KDM4C: variants seen among roughly 807,000 people sequenced by gnomAD.
KDM4C encodes lysine-specific demethylase 4C.
A neutral mutation model predicts 129.3 loss-of-function variants in KDM4C; 81 were observed. The observed-to-expected ratio is 0.63, with a 90% confidence interval of 0.52 to 0.75. KDM4C has a LOEUF of 0.75. KDM4C is among the 30% of genes least tolerant of loss of function. KDM4C has a pLI of 0.00. For synonymous variants in KDM4C, 573 were observed against 456.1 expected, an observed-to-expected ratio of 1.26 and a Z score of -3.26; for missense variants, 1,457 against 1,304.0, an observed-to-expected ratio of 1.12 and a Z score of -1.81.
At chr9:6,748,439 G>A (rs1440528968) in intron 1 of KDM4C, among the ~76,000 whole-genome samples, 2 of 151,642 alleles carry the variant, frequency 1.3e-5, no homozygotes, top group African/African-American at 2.4e-5. Context: ...CCTGGGAGGT[G>A]GAGGTTGCGG....
At chr9:7,109,607 G>T (rs1838089994) in intron 18 of KDM4C, among the ~76,000 whole-genome samples, 1 of 152,194 alleles carries the variant, frequency 6.6e-6, no homozygotes, top group East Asian at 1.9e-4. Flanking sequence ...GCAGCATTCA[G>T]CTAATTTATA....
intron 8 of KDM4C, among the ~76,000 whole-genome samples, chr9:6,954,895 T>C (rs887428067): frequency 6.6e-6 from 1 of 152,360 alleles, no homozygotes; most frequent in Middle Eastern, 3.4e-3. Context: ...AACAGAATAT[T>C]GCAAATTGGG....
At position 7,067,523 on chromosome 9, in the gene KDM4C, G is replaced by T. The variant is rs535701492; in HGVS notation, c.2424+18323G>T. 2.2e-4 allele frequency among the ~76,000 whole-genome samples: 34 copies of T among 152,308 alleles called. 1 individual carries two copies. In the South Asian group the frequency reaches 7.0e-3, roughly 32 times the overall value. On this transcript the variant is annotated intron_variant, in intron 17 of 21. Coordinates refer to ENST00000381309, the MANE Select transcript of KDM4C (RefSeq NM_015061.6). ...GTTATCAGCCTGAGACATACAAGGTGCAGGGCAACTCCAAAGGAGGTAAGG... is the reference window on the plus strand; with the variant it reads ...GTTATCAGCCTGAGACATACAAGGTTCAGGGCAACTCCAAAGGAGGTAAGG...
intron 17 of KDM4C, among the ~76,000 whole-genome samples, chr9:7,087,201 T>G (rs1050954205): frequency 6.0e-5 from 9 of 151,152 alleles, no homozygotes; most frequent in African/African-American, 2.2e-4. Flanking sequence ...TCAGAAAGAG[T>G]TCGCATATAA....
intron 12 of KDM4C, among the ~76,000 whole-genome samples, chr9:7,010,038 G>A: frequency 6.6e-6 from 1 of 152,090 alleles, no homozygotes; most frequent in Non-Finnish European, 1.5e-5. Context: ...GTTAAAATTT[G>A]TCACAACATA....
chr9:6,909,168 A>G (rs1818839228), intron 8 of KDM4C, among the ~76,000 whole-genome samples: 1 of 152,258 alleles, frequency 6.6e-6, no homozygotes, highest in Non-Finnish European at 1.5e-5. Flanking sequence ...AAAGAATGTA[A>G]TTCTATAATC....
chr9:6,749,137 A>C (rs1817986523), intron 1 of KDM4C, among the ~76,000 whole-genome samples: 1 of 152,226 alleles, frequency 6.6e-6, no homozygotes, highest in African/African-American at 2.4e-5. Flanking sequence ...CTCCTGCCTC[A>C]GCATCCCAAG....
At chr9:7,078,431 C>G (rs941566165) in intron 17 of KDM4C, among the ~76,000 whole-genome samples, 3 of 150,244 alleles carry the variant, frequency 2.0e-5, no homozygotes, top group Non-Finnish European at 3.0e-5. Flanking sequence ...TCTGGGTTTT[C>G]TTTTCTTTTT....
chr9:6,890,216 C>T (rs72701461), intron 7 of KDM4C, among the ~76,000 whole-genome samples: 6,163 of 152,298 alleles, frequency 0.04, 180 homozygotes, highest in Non-Finnish European at 0.063. Flanking sequence ...ATTAAACCTC[C>T]TGAGTTCATT....
At chr9:6,998,803 AC>A (rs1410300902) in intron 12 of KDM4C, among the ~76,000 whole-genome samples, 15 of 151,238 alleles carry the variant, frequency 9.9e-5, no homozygotes, top group Admixed American at 4.0e-4. Flanking sequence ...TTCCAAAAAA[AC>A]AAACCAACCA....
chr9:6,972,321 C>G (rs1832135882), intron 8 of KDM4C, among the ~76,000 whole-genome samples: 2 of 151,862 alleles, frequency 1.3e-5, no homozygotes, highest in Non-Finnish European at 2.9e-5. Context: ...AGAAAACACA[C>G]ACACACCTAT....
chr9:7,170,534 A>G, intron 21 of KDM4C: 1 of 968,276 alleles, frequency 1.0e-6, no homozygotes, highest in South Asian at 4.8e-5. Context: ...GCAGTCATTG[A>G]AAAATATAAT....
intron 3 of KDM4C, among the ~76,000 whole-genome samples, chr9:6,806,495 GAAAA>G (rs943385502): frequency 1.5e-5 from 2 of 132,234 alleles, no homozygotes; most frequent in Non-Finnish European, 1.6e-5. Context: ...ACTCCGTCTC[GAAAA>G]AATAAATAAA....
At chr9:7,173,587 A>G (rs556046024) in intron 21 of KDM4C, among the ~76,000 whole-genome samples, 1 of 152,192 alleles carries the variant, frequency 6.6e-6, no homozygotes, top group East Asian at 1.9e-4. Flanking sequence ...GGCCTGCCCC[A>G]TAGGGTAAGG....
chr9:6,732,240 C>G (rs912621527), intron 1 of KDM4C, among the ~76,000 whole-genome samples: 1 of 151,470 alleles, frequency 6.6e-6, no homozygotes, highest in African/African-American at 2.4e-5. Flanking sequence ...TGGTGGGCGC[C>G]TGTAGTCCCA....
Position 6,986,525 on chromosome 9 carries a change from G to A in KDM4C, c.1536G>A (p.Glu512=), listed in dbSNP as rs145436288. The A allele has an allele frequency of 6.2e-7, 1 of 1,614,158 alleles. No individual in the cohort carries two copies. Among genetic ancestry groups the A allele is most frequent in the Non-Finnish European group, 8.5e-7 (1 of 1,180,028 alleles). ...PSELSWPKSP[E]SCSSVAESNG... ...AGCTTTCATGGCCAAAGTCACCTGA[G>A]TCATGCTCATCAGTGGCAGAGAGTA... The change falls in exon 11 of 22, where the codon GAG becomes GAA. Residue 512 remains glutamate (E), a synonymous_variant. Transcript: ENST00000381309.
At chr9:6,775,079 C>T (rs927649969) in intron 1 of KDM4C, among the ~76,000 whole-genome samples, 4 of 152,168 alleles carry the variant, frequency 2.6e-5, no homozygotes, top group African/African-American at 9.7e-5. Context: ...TGCAGTGGCA[C>T]AATCTTGTCT....
chr9:6,892,798 C>T (rs1846292196), intron 7 of KDM4C, among the ~76,000 whole-genome samples: 1 of 152,166 alleles, frequency 6.6e-6, no homozygotes, highest in Non-Finnish European at 1.5e-5. Flanking sequence ...CTAATATGAA[C>T]AAATTTACTT....
intron 8 of KDM4C, among the ~76,000 whole-genome samples, chr9:6,954,358 A>C (rs746670042): frequency 6.6e-6 from 1 of 152,022 alleles, no homozygotes; most frequent in Non-Finnish European, 1.5e-5. Context: ...GGTATAATTA[A>C]TTATGTCTGT....
Sources: gnomAD v4.1 joint callset for allele counts (sites outside exome capture counted in the v4.1 genomes callset) on GRCh38, gnomAD v4.1.1 for gene constraint, MANE v1.5 for transcripts, NCBI Gene and HGNC (gene_info 2026-07-23, HGNC 2026-07-21) for gene names.